Variants in SV2C observed in about 807,000 individuals in gnomAD.
SV2C encodes synaptic vesicle glycoprotein 2C, also known as solute carrier family 22 member B3.
Under a neutral mutation model 79.7 loss-of-function variants are expected in SV2C, and 49 were observed. The observed-to-expected ratio is 0.61, with a 90% CI of 0.49 to 0.78. The LOEUF (loss-of-function observed/expected upper bound fraction) is 0.78. SV2C is among the 30% of genes least tolerant of loss of function. The pLI is 0.00. For synonymous variants in SV2C, 334 were observed against 333.2 expected (o/e 1.00, Z -0.03); for missense variants, 833 against 912.9 (o/e 0.91, Z 1.13).
chr5:76,089,590 T>C (rs2112093570), intron 1 of SV2C, among the ~76,000 whole-genome samples: 1 of 152,382 alleles, frequency 6.6e-6, no homozygotes, highest in African/African-American at 2.4e-5. Flanking sequence ...TCTAGATCTT[T>C]GAAGAATCGC....
At chr5:76,102,755 T>C (rs1333510936) in intron 1 of SV2C, among the ~76,000 whole-genome samples, 2 of 152,196 alleles carry the variant, frequency 1.3e-5, no homozygotes, top group Non-Finnish European at 2.9e-5. Flanking sequence ...CTCGTTTGGC[T>C]TAGATGGTTT....
At chr5:76,270,032 G>T (rs55896719) in intron 4 of SV2C, among the ~76,000 whole-genome samples, 25,620 of 152,148 alleles carry the variant, frequency 0.17, 2,545 homozygotes, top group East Asian at 0.29. Flanking sequence ...CTGGGTAGTT[G>T]CCTGACATTT....
At chr5:76,069,499 G>A in the SV2C span, among the ~76,000 whole-genome samples, 9 of 152,288 alleles carry the variant, frequency 5.9e-5, no homozygotes, top group South Asian at 1.9e-3. Context: ...CCTCCGCTCA[G>A]GCCTCACATT....
chr5:76,039,646 C>T, the SV2C span, among the ~76,000 whole-genome samples: 1 of 151,440 alleles, frequency 6.6e-6, no homozygotes, highest in Non-Finnish European at 1.5e-5. Context: ...ATCCCAGCTA[C>T]TCGAGAGGCA....
chr5:76,239,278 A>T (rs915573089), intron 4 of SV2C, among the ~76,000 whole-genome samples: 14 of 152,196 alleles, frequency 9.2e-5, no homozygotes, highest in African/African-American at 3.1e-4. Context: ...TGACAGAATG[A>T]TATTTAGTCT....
the SV2C span, among the ~76,000 whole-genome samples, chr5:75,973,580 G>A: frequency 2.9e-3 from 446 of 152,066 alleles, 2 homozygotes; most frequent in African/African-American, 0.01. Flanking sequence ...AAAGATAGAC[G>A]AGGGGAGATT....
At chr5:75,948,987 T>C in the SV2C span, among the ~76,000 whole-genome samples, 3 of 152,076 alleles carry the variant, frequency 2.0e-5, no homozygotes, top group East Asian at 5.8e-4. Flanking sequence ...GTGTTGGAGA[T>C]GGAGCCTGGT....
Position 76,131,720 on chromosome 5 carries a change from C to T in SV2C, c.-31C>T, listed in dbSNP as rs1561229208. The stretch of plus-strand genomic sequence containing the variant: ...CTGAAAGGAGGCTGTGAAAATTTCC[C>T]ATCTTCTCATTGGCCATCAGTTGAG... On this transcript the variant is annotated 5_prime_UTR_variant, in exon 2 of 13. Coordinates refer to ENST00000502798, the MANE Select transcript of SV2C (RefSeq NM_014979.4). The T allele has an allele frequency of 6.5e-7, 1 of 1,545,650 alleles. No homozygotes were observed. The highest frequency in any genetic ancestry group is 2.3e-5 in the East Asian group (1 of 44,086).
chr5:76,265,430 C>G (rs1746620411), intron 4 of SV2C, among the ~76,000 whole-genome samples: 1 of 152,222 alleles, frequency 6.6e-6, no homozygotes, highest in South Asian at 2.1e-4. Context: ...ACTTGGCTCC[C>G]TGGCTGAAGC....
At chr5:75,915,645 G>A in the SV2C span, among the ~76,000 whole-genome samples, 1 of 152,304 alleles carries the variant, frequency 6.6e-6, no homozygotes, top group African/African-American at 2.4e-5. Context: ...GAAGGAACAT[G>A]CAGTCTCCCT....
intron 2 of SV2C, among the ~76,000 whole-genome samples, chr5:76,147,807 T>G (rs998118339): frequency 6.6e-6 from 1 of 152,230 alleles, no homozygotes; most frequent in African/African-American, 2.4e-5. Flanking sequence ...GTCAAAGCTC[T>G]TTTTGCTTAA....
intron 4 of SV2C, among the ~76,000 whole-genome samples, chr5:76,265,659 C>G (rs753308883): frequency 6.6e-6 from 1 of 152,120 alleles, no homozygotes. Context: ...ATGAGAAAAG[C>G]GTAGTATCTG....
chr5:75,955,526 A>G, the SV2C span, among the ~76,000 whole-genome samples: 9 of 147,708 alleles, frequency 6.1e-5, no homozygotes, highest in Non-Finnish European at 9.0e-5. Flanking sequence ...AATGGCAACA[A>G]AAGCCAAAAT....
At chr5:75,907,693 G>A in the SV2C span, among the ~76,000 whole-genome samples, 1 of 152,178 alleles carries the variant, frequency 6.6e-6, no homozygotes, top group Admixed American at 6.5e-5. Context: ...GTCCCTAACC[G>A]AGACAGATCC....
At chr5:75,892,568 C>T in the SV2C span, among the ~76,000 whole-genome samples, 1 of 152,012 alleles carries the variant, frequency 6.6e-6, no homozygotes, top group Admixed American at 6.6e-5. Context: ...GGTAGGATTT[C>T]AACACTTGGC....
chr5:76,004,584 C>CA, the SV2C span, among the ~76,000 whole-genome samples: 1 of 151,868 alleles, frequency 6.6e-6, no homozygotes, highest in Non-Finnish European at 1.5e-5. Context: ...TTGTACTAAT[C>CA]AAAAAAGGAT....
intron 3 of SV2C, among the ~76,000 whole-genome samples, chr5:76,196,132 T>C (rs1325975927): frequency 1.3e-5 from 2 of 152,236 alleles, no homozygotes; most frequent in Non-Finnish European, 2.9e-5. Flanking sequence ...AACACAGTTT[T>C]GTGAAAAGAG....
the SV2C span, among the ~76,000 whole-genome samples, chr5:75,946,117 T>G: frequency 6.6e-6 from 1 of 152,084 alleles, no homozygotes; most frequent in Non-Finnish European, 1.5e-5. Flanking sequence ...AACCTGGTTC[T>G]GTGTAGAGAT....
At chr5:76,235,564 G>A (rs1220372171) in intron 4 of SV2C, among the ~76,000 whole-genome samples, 1 of 152,174 alleles carries the variant, frequency 6.6e-6, no homozygotes, top group African/African-American at 2.4e-5. Context: ...GTGATTAAAT[G>A]TTTGTAGTGT....
Sources: allele counts gnomAD v4.1 joint callset (sites outside exome capture counted in the v4.1 genomes callset), GRCh38; gene constraint gnomAD v4.1.1; transcripts MANE v1.5; gene names NCBI Gene and HGNC (gene_info 2026-07-23, HGNC 2026-07-21).